CDC42BPB: variants seen among roughly 807,000 people sequenced by gnomAD.
CDC42BPB encodes the protein serine/threonine-protein kinase MRCK beta.
CDC42BPB carries 37 observed loss-of-function variants against 214.9 expected under a neutral mutation model. The observed-to-expected ratio is 0.17, with a 90% CI of 0.13 to 0.23. The LOEUF is 0.23. Among genes scored for constraint, CDC42BPB ranks in the 10% least tolerant of loss-of-function variants. CDC42BPB has a pLI of 1.00. For missense variants in CDC42BPB, 1,694 were observed against 2,227.0 expected, an observed-to-expected ratio of 0.76 and a Z score of 4.82; for synonymous variants, 931 against 884.0, an observed-to-expected ratio of 1.05 and a Z score of -0.94.
intron 36 of CDC42BPB, 152 bp from the exon 37 acceptor site, chr14:102,933,995 A>G (rs987719749): frequency 1.4e-6 from 2 of 1,380,476 alleles, no homozygotes; most frequent in Non-Finnish European, 1.9e-6. Context: ...TACACCAGCG[A>G]TTCGTGGGGC....
intron 1 of CDC42BPB, among the ~76,000 whole-genome samples, chr14:103,054,833 T>C (rs1888852511): frequency 1.3e-5 from 2 of 152,260 alleles, no homozygotes; most frequent in African/African-American, 4.8e-5. Flanking sequence ...AGTTCCCGTT[T>C]AGATTTGGAA....
chr14:102,953,041 A>G (rs1452708521), intron 23 of CDC42BPB, among the ~76,000 whole-genome samples: 1 of 152,262 alleles, frequency 6.6e-6, no homozygotes, highest in African/African-American at 2.4e-5. Flanking sequence ...AGGACAGTTC[A>G]TAACAGCAAA....
intron 1 of CDC42BPB, among the ~76,000 whole-genome samples, chr14:103,053,642 G>C (rs931307077): frequency 6.7e-6 from 1 of 150,014 alleles, no homozygotes; most frequent in Admixed American, 6.6e-5. Flanking sequence ...GGCGCCTGTA[G>C]TCCCAGCTAC....
rs34142477 is a variant in CDC42BPB at position 103,026,736 on chromosome 14, C to T, written c.176-14548G>A. Among the ~76,000 whole-genome samples the T allele has an allele frequency of 5.9e-5, 9 of 151,878 alleles. No homozygotes were observed. In the East Asian group the frequency reaches 1.6e-3, roughly 26 times the overall value. On this transcript the variant is annotated intron_variant, in intron 1 of 36. Coordinates refer to ENST00000361246, the MANE Select transcript of CDC42BPB (RefSeq NM_006035.4). Reference sequence around the variant, plus strand: ...TTAAAAAATTAGCCAGGCATGGTGGCGGGTGCCTGTAGTCCCAGCTACTCA... The same window carrying T: ...TTAAAAAATTAGCCAGGCATGGTGGTGGGTGCCTGTAGTCCCAGCTACTCA...
chr14:102,970,354 C>T (rs1038760010), intron 13 of CDC42BPB, 93 bp from the exon 14 acceptor site: 23 of 1,495,106 alleles, frequency 1.5e-5, no homozygotes, highest in Non-Finnish European at 2.0e-5. Context: ...AGAACAAGAC[C>T]TCGAAGGAGC....
At chr14:102,967,563 G>A (rs1893267714) in intron 16 of CDC42BPB, among the ~76,000 whole-genome samples, 1 of 152,250 alleles carries the variant, frequency 6.6e-6, no homozygotes, top group African/African-American at 2.4e-5. Flanking sequence ...CCTAGACGGT[G>A]CGGCTGCCGC....
intron 2 of CDC42BPB, among the ~76,000 whole-genome samples, chr14:103,010,243 T>G (rs914978682): frequency 2.2e-4 from 33 of 152,166 alleles, no homozygotes; most frequent in African/African-American, 5.8e-4. Context: ...GCTGTGATCA[T>G]GCCAGCACAC....
chr14:102,988,995 C>T (rs147941560), intron 5 of CDC42BPB, among the ~76,000 whole-genome samples: 59 of 150,916 alleles, frequency 3.9e-4, no homozygotes, highest in African/African-American at 1.3e-3. Flanking sequence ...CAATGAACCA[C>T]ATCAAAAAAC....
At chr14:102,949,601 C>T (rs1440935748) in intron 26 of CDC42BPB, among the ~76,000 whole-genome samples, 164 bp downstream of exon 26, 2 of 152,122 alleles carry the variant, frequency 1.3e-5, no homozygotes, top group Admixed American at 6.5e-5. Flanking sequence ...CGCATGTGAG[C>T]GCCTGAAGTC....
intron 1 of CDC42BPB, among the ~76,000 whole-genome samples, chr14:103,033,227 T>G (rs1887490060): frequency 6.6e-6 from 1 of 152,122 alleles, no homozygotes; most frequent in Non-Finnish European, 1.5e-5. Context: ...ATTTTTGTTT[T>G]TTTGTTTGTT....
chr14:103,003,696 G>A (rs955327826), intron 4 of CDC42BPB, among the ~76,000 whole-genome samples: 2 of 152,106 alleles, frequency 1.3e-5, no homozygotes, highest in Non-Finnish European at 2.9e-5. Flanking sequence ...GCAAACAAAC[G>A]AATCAGCTTC....
intron 26 of CDC42BPB, chr14:102,948,054 C>A (rs748547879): frequency 2.7e-5 from 20 of 734,524 alleles, no homozygotes; most frequent in Non-Finnish European, 3.3e-5. Context: ...GCTGGTGCCT[C>A]CAGACTATGC....
In CDC42BPB at chr14:102,950,564, C is replaced by A; in HGVS notation, c.3211G>T (p.Ala1071Ser). 1 of 1,606,958 alleles carries A rather than the reference C, an allele frequency of 6.2e-7. No individual in the cohort carries two copies. Among genetic ancestry groups the A allele is most frequent in the Non-Finnish European group, 8.5e-7 (1 of 1,176,902 alleles). ...GGAGGTATTGGGCACACCTGGGGGG[C>A]ACCGTCTTTGCAGGACACGTGGCAA... ...FACHVSCKDG[A>S]PQVCPIPPEQ... Residue 1071 changes from alanine to serine, a missense_variant, in exon 25 of 37, where the codon GCC (alanine) becomes TCC (serine). This residue lies in a region of CDC42BPB where 567 missense variants were observed against 790.3 expected (regional missense o/e 0.72). Transcript: ENST00000361246.
rs558018435 is a variant in CDC42BPB, at chr14:103,001,752, G to A, written c.448-2039C>T. ...GCCAGGGGAGATGCGGTGAACGAAC[G>A]GCCAGGCCCTCGGGCCCCTAAGGAA... On this transcript the variant is annotated intron_variant, in intron 4 of 36. Transcript: ENST00000361246. The surrounding 1 kb of genome is among the most constrained non-coding windows in gnomAD (Gnocchi z 5.8). Among the ~76,000 whole-genome samples the A allele has an allele frequency of 7.2e-5, 11 of 152,136 alleles. No homozygotes were observed. Among genetic ancestry groups the A allele is most frequent in the African/African-American group, 2.4e-4 (10 of 41,428 alleles).
At chr14:102,972,369 T>C (rs1170345467) in intron 12 of CDC42BPB, 2 of 975,256 alleles carry the variant, frequency 2.1e-6, no homozygotes, top group Non-Finnish European at 2.4e-6. Context: ...TGGGCTCAGG[T>C]GCTGAGACCA....
intron 5 of CDC42BPB, among the ~76,000 whole-genome samples, chr14:102,993,193 A>G (rs941904513): frequency 6.6e-6 from 1 of 152,218 alleles, no homozygotes; most frequent in African/African-American, 2.4e-5. Flanking sequence ...TCTACTATAC[A>G]TATTTAAATA....
intron 11 of CDC42BPB, among the ~76,000 whole-genome samples, chr14:102,975,303 C>T (rs1893686378): frequency 6.6e-6 from 1 of 152,196 alleles, no homozygotes; most frequent in Non-Finnish European, 1.5e-5. Flanking sequence ...GCAGGCAGAT[C>T]ACCTGAGGTC....
At chr14:103,031,676 T>A (rs1212887031) in intron 1 of CDC42BPB, among the ~76,000 whole-genome samples, 1 of 152,182 alleles carries the variant, frequency 6.6e-6, no homozygotes, top group African/African-American at 2.4e-5. Flanking sequence ...CCCAGTGCTC[T>A]CAGCAGGAAG....
At chr14:103,031,993 T>C (rs188520937) in intron 1 of CDC42BPB, among the ~76,000 whole-genome samples, 19 of 141,790 alleles carry the variant, frequency 1.3e-4, no homozygotes, top group South Asian at 4.2e-4. Context: ...TATTATTATT[T>C]TTTTTTTTTT....
Sources: allele counts gnomAD v4.1 joint callset (sites outside exome capture counted in the v4.1 genomes callset), GRCh38; gene constraint gnomAD v4.1.1; regional missense constraint gnomAD v4.1.1; non-coding constraint Gnocchi (gnomAD v3.1); transcripts MANE v1.5; gene names NCBI Gene and HGNC (gene_info 2026-07-23, HGNC 2026-07-21).